Variants in NIM1K observed in about 807,000 individuals in gnomAD.
The protein encoded by NIM1K is NIM1 serine/threonine protein kinase.
In NIM1K, 35 loss-of-function variants were observed where a neutral mutation model predicts 37.1. The ratio of observed to expected loss-of-function variants is 0.94; its 90% confidence interval spans 0.72 to 1.25. The LOEUF (loss-of-function observed/expected upper bound fraction) is 1.25. NIM1K is among the 50% of genes most tolerant of loss of function. The pLI, the probability that NIM1K is intolerant of heterozygous loss-of-function variation, is 0.00. For synonymous variants in NIM1K, 234 were observed against 206.6 expected (o/e 1.13, Z -1.14); for missense variants, 564 against 548.0 (o/e 1.03, Z -0.29).
chr5:43,193,100 A>G (rs1310191720), intron 1 of NIM1K: 1 of 152,162 alleles, frequency 6.6e-6, no homozygotes, highest in East Asian at 1.9e-4. Context: ...CCCTCCAGGA[A>G]TATTAGAAGC....
chr5:43,269,316 AAAAG>A (rs1340393639), intron 2 of NIM1K, among the ~76,000 whole-genome samples: 3,196 of 147,050 alleles, frequency 0.022, 202 homozygotes, highest in African/African-American at 0.079. Flanking sequence ...CTCAAAAAAA[AAAAG>A]AAAAAAAAAA....
chr5:43,209,268 T>C (rs1157712132), intron 1 of NIM1K, among the ~76,000 whole-genome samples: 2 of 152,182 alleles, frequency 1.3e-5, no homozygotes, highest in Non-Finnish European at 2.9e-5. Context: ...GCCTTAAGAA[T>C]GTCTACCCGC....
At position 43,198,199 on chromosome 5, in the gene NIM1K, CT is replaced by C. The variant is rs1441320929; in HGVS notation, c.-695+5791del. ...TCTTTCTTTCTTTCTTTCTTTCTTT[CT>C]TTCTTTCTCTTTCTTTCTTTCTTTC... On this transcript the variant is annotated intron_variant, in intron 1 of 3. Coordinates refer to ENST00000326035, the MANE Select transcript of NIM1K (RefSeq NM_153361.4). 1.2e-3 allele frequency among the ~76,000 whole-genome samples: 61 copies of C among 51,340 alleles called. 1 individual carries two copies. The highest frequency in any genetic ancestry group is 4.5e-3 in the African/African-American group (59 of 13,250). 33.7% of individuals were successfully genotyped at this position (51,340 alleles called of 152,430 possible).
intron 1 of NIM1K, among the ~76,000 whole-genome samples, chr5:43,197,127 T>C (rs141919256): frequency 1.9e-4 from 29 of 150,188 alleles, no homozygotes; most frequent in African/African-American, 7.1e-4. Flanking sequence ...ATCTATTGAC[T>C]TATTTATTTT....
intron 1 of NIM1K, among the ~76,000 whole-genome samples, chr5:43,231,356 A>G (rs1752535412): frequency 6.6e-6 from 1 of 152,072 alleles, no homozygotes; most frequent in South Asian, 2.1e-4. Context: ...ATATTTATAA[A>G]TGTATAATTT....
At position 43,277,217 on chromosome 5, in the gene NIM1K, G is replaced by A. The variant is rs1314351515; in HGVS notation, c.453G>A (p.Glu151=). 6.2e-7 allele frequency: 1 copy of A among 1,614,128 alleles called. No homozygotes were observed. Among genetic ancestry groups the A allele is most frequent in the Non-Finnish European group, 8.5e-7 (1 of 1,180,018 alleles). ...ETLSKLHLVM[E]YAGGGELFGK... ...TATCCAAGCTGCACTTGGTGATGGA[G>A]TATGCAGGGGGTGGGGAGCTCTTCG... Residue 151 remains glutamate, a synonymous_variant, in exon 3 of 4, where the codon GAG becomes GAA. Transcript: ENST00000326035.
chr5:43,278,300 C>T (rs1357030972), intron 3 of NIM1K, among the ~76,000 whole-genome samples: 1 of 152,214 alleles, frequency 6.6e-6, no homozygotes, highest in East Asian at 1.9e-4. Flanking sequence ...CTGCCTCGGT[C>T]TCCCAAAGTA....
rs60608366 is a variant in NIM1K, at chr5:43,211,244, G to T, written c.-695+18833G>T. Reference sequence around the variant, plus strand: ...TCCTGGCAAAAGAGATTATGGGAGGGGGGTGGAAAGGAATTCTGTTAAGGG... The same window carrying T: ...TCCTGGCAAAAGAGATTATGGGAGGTGGGTGGAAAGGAATTCTGTTAAGGG... On this transcript the variant is annotated intron_variant, in intron 1 of 3. Coordinates refer to ENST00000326035, the MANE Select transcript of NIM1K (RefSeq NM_153361.4). Among the ~76,000 whole-genome samples, 432 of 152,222 alleles carry T rather than the reference G, an allele frequency of 2.8e-3. 4 individuals carry two copies. Among genetic ancestry groups the T allele is most frequent in the African/African-American group, 0.01 (416 of 41,552 alleles).
chr5:43,199,412 G>A (rs1561070618), intron 1 of NIM1K, among the ~76,000 whole-genome samples: 1 of 151,842 alleles, frequency 6.6e-6, no homozygotes, highest in African/African-American at 2.4e-5. Context: ...TGCAGAAGAA[G>A]AGGTCTAGAT....
At chr5:43,243,446 A>AG (rs200199747) in intron 1 of NIM1K, among the ~76,000 whole-genome samples, 6 of 149,560 alleles carry the variant, frequency 4.0e-5, no homozygotes, top group African/African-American at 9.9e-5. Flanking sequence ...TGTATGGGTG[A>AG]GGGTTTTTTT....
chr5:43,249,689 C>G, intron 2 of NIM1K, among the ~76,000 whole-genome samples: 1 of 151,996 alleles, frequency 6.6e-6, no homozygotes, highest in East Asian at 1.9e-4. Flanking sequence ...TGGGCATGCT[C>G]CAGTCATGGA....
intron 1 of NIM1K, among the ~76,000 whole-genome samples, chr5:43,204,565 C>T (rs879821517): frequency 6.6e-5 from 10 of 151,556 alleles, no homozygotes; most frequent in Non-Finnish European, 1.0e-4. Flanking sequence ...ATTAGGCGGG[C>T]ATGGTGGTGG....
rs750841950 is a variant in NIM1K, at chr5:43,280,598, G to A, written c.1180G>A (p.Val394Ile). Residue 394 changes from valine (V) to isoleucine (I), a missense_variant, in exon 4 of 4, where the codon GTC becomes ATC. Transcript: ENST00000326035. ...GGTCTATAGAATTATTTTACATAGA[G>A]TCCAAAGGAAGAAGGCTTTGGAAAG... ...TGVYRIILHRVQRKKALESVP... is the reference protein window; with the variant it reads ...TGVYRIILHRIQRKKALESVP... 1 of 1,614,092 alleles carries A rather than the reference G, an allele frequency of 6.2e-7. No homozygotes were observed. The highest frequency in any genetic ancestry group is 8.5e-7 in the Non-Finnish European group (1 of 1,180,020).
At chr5:43,227,363 G>GA (rs1203205920) in intron 1 of NIM1K, among the ~76,000 whole-genome samples, 1 of 151,280 alleles carries the variant, frequency 6.6e-6, no homozygotes, top group African/African-American at 2.4e-5. Context: ...CGTTTCAAAA[G>GA]AAAAAAATAA....
intron 1 of NIM1K, among the ~76,000 whole-genome samples, chr5:43,193,975 T>C (rs2112187525): frequency 6.6e-6 from 1 of 152,226 alleles, no homozygotes; most frequent in Middle Eastern, 3.4e-3. Context: ...TCCCAAGGCA[T>C]GTTGTTGTTT....
At chr5:43,199,113 G>A (rs778992867) in intron 1 of NIM1K, among the ~76,000 whole-genome samples, 8 of 147,994 alleles carry the variant, frequency 5.4e-5, no homozygotes, top group Non-Finnish European at 1.0e-4. Context: ...GCTTGAACCC[G>A]GGAGGCAGAG....
intron 1 of NIM1K, among the ~76,000 whole-genome samples, chr5:43,211,538 A>T (rs1397992754): frequency 6.6e-6 from 1 of 152,236 alleles, no homozygotes; most frequent in Non-Finnish European, 1.5e-5. Context: ...TCTTCAGTTC[A>T]GCATGTCAAT....
chr5:43,263,831 T>C (rs1402452362), intron 2 of NIM1K, among the ~76,000 whole-genome samples: 3 of 152,158 alleles, frequency 2.0e-5, no homozygotes, highest in Non-Finnish European at 2.9e-5. Flanking sequence ...TCTGTGTTCT[T>C]ATTGGTTTCA....
chr5:43,257,594 A>C (rs1579983414), intron 2 of NIM1K, among the ~76,000 whole-genome samples: 1 of 151,150 alleles, frequency 6.6e-6, no homozygotes, highest in African/African-American at 2.4e-5. Context: ...CTCATCATCC[A>C]CCCGCCCTGG....
Sources: gnomAD v4.1 joint callset for allele counts (sites outside exome capture counted in the v4.1 genomes callset) on GRCh38, gnomAD v4.1.1 for gene constraint, MANE v1.5 for transcripts, NCBI Gene and HGNC (gene_info 2026-07-23, HGNC 2026-07-21) for gene names.